The following OSBPL10 variants were observed in gnomAD, a reference collection of about 807,000 sequenced individuals.
The protein encoded by OSBPL10 is oxysterol binding protein like 10.
In OSBPL10, 49 loss-of-function variants were observed where a neutral mutation model predicts 81.7. The observed-to-expected ratio is 0.60, with a 90% CI of 0.48 to 0.76. The LOEUF is 0.76. Among genes scored for constraint, OSBPL10 ranks in the 30% least tolerant of loss-of-function variants. The pLI is 0.00. For missense variants in OSBPL10, 923 were observed against 987.8 expected, an observed-to-expected ratio of 0.93 and a Z score of 0.88; for synonymous variants, 419 against 383.6, an observed-to-expected ratio of 1.09 and a Z score of -1.08.
At chr3:32,056,727 A>T (rs1699715657) in intron 1 of OSBPL10, among the ~76,000 whole-genome samples, 1 of 152,184 alleles carries the variant, frequency 6.6e-6, no homozygotes, top group Non-Finnish European at 1.5e-5. Context: ...TGTAAAAGGG[A>T]GGAGGGACAT....
At chr3:31,974,593 C>A (rs1022400005) in intron 1 of OSBPL10, among the ~76,000 whole-genome samples, 3 of 152,130 alleles carry the variant, frequency 2.0e-5, no homozygotes, top group Non-Finnish European at 4.4e-5. Flanking sequence ...CAGAAACATG[C>A]GTAAGCCTCC....
chr3:31,732,993 G>A, intron 6 of OSBPL10: 3 of 502,630 alleles, frequency 6.0e-6, no homozygotes, highest in Non-Finnish European at 1.0e-5. Flanking sequence ...TCTCCCACTT[G>A]AAGTTAAAGT....
chr3:31,747,873 C>A, intron 5 of OSBPL10, 37 bp downstream of exon 5: 1 of 1,587,874 alleles, frequency 6.3e-7, no homozygotes, highest in Non-Finnish European at 8.6e-7. Flanking sequence ...AGTGTGTGTA[C>A]TCATCCCAAA....
intron 6 of OSBPL10, 137 bp from the exon 7 acceptor site, chr3:31,702,645 A>G (rs1695935626): frequency 4.1e-6 from 5 of 1,227,690 alleles, no homozygotes; most frequent in Admixed American, 2.3e-5. Flanking sequence ...ACCCAGTCCT[A>G]TTGGCCACGG....
intron 1 of OSBPL10, among the ~76,000 whole-genome samples, chr3:32,067,379 A>T (rs1374737054): frequency 6.6e-6 from 1 of 152,060 alleles, no homozygotes; most frequent in Non-Finnish European, 1.5e-5. Flanking sequence ...AGGAGCAATA[A>T]ATTCAGCTTT....
intron 5 of OSBPL10, among the ~76,000 whole-genome samples, chr3:31,743,816 A>C (rs901228704): frequency 6.6e-6 from 1 of 152,176 alleles, no homozygotes; most frequent in African/African-American, 2.4e-5. Context: ...TGAGATTTTG[A>C]TTTCCATCAG....
chr3:31,836,242 C>CTTAAACAT (rs1288215030), intron 3 of OSBPL10, among the ~76,000 whole-genome samples: 1 of 152,104 alleles, frequency 6.6e-6, no homozygotes, highest in Non-Finnish European at 1.5e-5. Flanking sequence ...TTTAATATAT[C>CTTAAACAT]TTAAACATTT....
rs543480213 is a variant in OSBPL10, at chr3:31,897,995, G to A, written c.282-18165C>T. ...TGCACCCCAGCTTGGGTGACACAGC[G>A]AGAACTCTGTCAAAAAAAAAAAAAA... On this transcript the variant is annotated intron_variant, in intron 1 of 11. Coordinates refer to ENST00000396556, the MANE Select transcript of OSBPL10 (RefSeq NM_017784.5). Among the ~76,000 whole-genome samples the A allele has an allele frequency of 4.6e-4, 49 of 105,486 alleles. 2 individuals carry two copies. The highest frequency in any genetic ancestry group is 7.7e-4 in the Admixed American group (5 of 6,490). 69.2% of individuals were successfully genotyped at this position (105,486 alleles called of 152,430 possible). A position where few individuals can be genotyped will look rare whatever the true frequency, so the allele number is the denominator to read the frequency against.
In OSBPL10 at chr3:31,670,866, C is replaced by A; in HGVS notation, c.1844G>T (p.Cys615Phe). ...VELGGKVSINCAKTGYSATVI... is the reference protein window; with the variant it reads ...VELGGKVSINFAKTGYSATVI... ...TGTCGCTGAGTACCCAGTCTTGGCACAGTTGATGCTGACTTTTCCTCCGAG... is the reference window on the plus strand; with the variant it reads ...TGTCGCTGAGTACCCAGTCTTGGCAAAGTTGATGCTGACTTTTCCTCCGAG... Residue 615 changes from cysteine to phenylalanine, a missense_variant, in exon 9 of 12, where the codon TGT becomes TTT. Cys to Phe is a radical substitution (Grantham distance 205). This residue lies in a region of OSBPL10 where 387 missense variants were observed against 436.3 expected (regional missense o/e 0.89). Transcript: ENST00000396556. The A allele has an allele frequency of 6.2e-7, 1 of 1,614,160 alleles. No individual in the cohort carries two copies. The highest frequency in any genetic ancestry group is 8.5e-7 in the Non-Finnish European group (1 of 1,180,036).
At chr3:31,891,291 C>T (rs373554505) in intron 1 of OSBPL10, among the ~76,000 whole-genome samples, 1 of 152,122 alleles carries the variant, frequency 6.6e-6, no homozygotes, top group Non-Finnish European at 1.5e-5. Context: ...GGCCCCTCCC[C>T]CAGAGCTTAT....
intron 3 of OSBPL10, among the ~76,000 whole-genome samples, chr3:31,833,709 A>ACG (rs1203981887): frequency 7.1e-5 from 10 of 140,608 alleles, no homozygotes; most frequent in East Asian, 2.0e-4. Context: ...GCACACGCAC[A>ACG]CACACACACA....
At chr3:32,051,893 A>G (rs1314692787) in intron 1 of OSBPL10, among the ~76,000 whole-genome samples, 1 of 152,198 alleles carries the variant, frequency 6.6e-6, no homozygotes, top group Non-Finnish European at 1.5e-5. Flanking sequence ...AAAAATAAAA[A>G]CTGTAATGCT....
At chr3:31,890,845 G>A (rs754533953) in intron 1 of OSBPL10, among the ~76,000 whole-genome samples, 8 of 152,190 alleles carry the variant, frequency 5.3e-5, no homozygotes, top group Admixed American at 1.3e-4. Context: ...TGATACTGAC[G>A]ATGTTGGAAC....
Position 31,890,560 on chromosome 3 carries a change from A to T in OSBPL10, c.282-10730T>A, listed in dbSNP as rs1030514355. Among the ~76,000 whole-genome samples the T allele has an allele frequency of 1.6e-4, 24 of 152,026 alleles. 1 individual carries two copies. On this transcript the variant is annotated intron_variant, in intron 1 of 11. Coordinates refer to ENST00000396556, the MANE Select transcript of OSBPL10 (RefSeq NM_017784.5). ...AGCCTGAGAGGCTGCTGCTTTGGAG[A>T]CCTCATAAAGCACCAGAATAAGTCA...
chr3:31,856,904 C>T (rs1055714357), intron 3 of OSBPL10, among the ~76,000 whole-genome samples: 7 of 152,066 alleles, frequency 4.6e-5, no homozygotes, highest in Non-Finnish European at 1.0e-4. Flanking sequence ...GGTGAAACCC[C>T]GTCTCTACTA....
At chr3:31,756,200 C>T (rs1559450894) in intron 4 of OSBPL10, among the ~76,000 whole-genome samples, 1 of 152,202 alleles carries the variant, frequency 6.6e-6, no homozygotes, top group Non-Finnish European at 1.5e-5. Flanking sequence ...CCTCCGGCTC[C>T]ACTTCAGCGC....
In OSBPL10 at chr3:31,981,215, G is replaced by A. The variant is rs755719115; in HGVS notation, c.-36C>T. On this transcript the variant is annotated 5_prime_UTR_variant, in exon 1 of 12. Transcript: ENST00000396556. This position sits in a 1 kb window ranked among gnomAD's most constrained non-coding sequence, Gnocchi z 4.5. ...CGCCCGGGACGCGGGTGCCCGCCGC[G>A]GTGGCGGCCCCGGCACGGCGGCTGC... The A allele has an allele frequency of 5.9e-6, 8 of 1,362,432 alleles. No homozygotes were observed. The highest frequency in any genetic ancestry group is 7.9e-5 in the Admixed American group (2 of 25,466). 84.4% of individuals were successfully genotyped at this position (1,362,432 alleles called of 1,614,324 possible).
intron 1 of OSBPL10, among the ~76,000 whole-genome samples, chr3:31,919,941 A>G (rs1460310919): frequency 6.6e-6 from 1 of 152,242 alleles, no homozygotes; most frequent in Non-Finnish European, 1.5e-5. Flanking sequence ...TTTAGCTTTC[A>G]TAACTATCTT....
intron 4 of OSBPL10, among the ~76,000 whole-genome samples, chr3:31,807,987 A>G (rs1346074115): frequency 2.0e-5 from 3 of 152,216 alleles, no homozygotes; most frequent in Admixed American, 2.0e-4. Flanking sequence ...ATAAAGAATA[A>G]CAGAGAATTC....
Sources: allele counts gnomAD v4.1 joint callset (sites outside exome capture counted in the v4.1 genomes callset), GRCh38; gene constraint gnomAD v4.1.1; regional missense constraint gnomAD v4.1.1; non-coding constraint Gnocchi (gnomAD v3.1); transcripts MANE v1.5; gene names NCBI Gene and HGNC (gene_info 2026-07-23, HGNC 2026-07-21).